PCLAF: variants seen among roughly 807,000 people sequenced by gnomAD.
The protein encoded by PCLAF is PCNA clamp associated factor.
PCLAF carries 12 observed loss-of-function variants against 15.1 expected under a neutral mutation model. The observed-to-expected ratio is 0.79, with a 90% CI of 0.51 to 1.29. The LOEUF (loss-of-function observed/expected upper bound fraction) is 1.29, where lower values mean the gene tolerates loss of function less well. Ranked by LOEUF, PCLAF falls within the 50% of genes most tolerant of loss-of-function variation. The pLI is 0.00. For missense variants in PCLAF, 116 were observed against 130.9 expected, an observed-to-expected ratio of 0.89 and a Z score of 0.56; for synonymous variants, 33 against 47.1, an observed-to-expected ratio of 0.70 and a Z score of 1.22.
At chr15:64,380,739 A>G (rs1219552267) in intron 2 of PCLAF, among the ~76,000 whole-genome samples, 2 of 152,138 alleles carry the variant, frequency 1.3e-5, no homozygotes, top group African/African-American at 4.8e-5. Context: ...GCTTGAAGAT[A>G]AGGTGTGTCG....
At chr15:64,377,998 T>C (rs1190080500) in intron 2 of PCLAF, among the ~76,000 whole-genome samples, 1 of 151,764 alleles carries the variant, frequency 6.6e-6, no homozygotes, top group African/African-American at 2.4e-5. Flanking sequence ...TGGCACGATC[T>C]TGGCTCACTG....
intron 3 of PCLAF, among the ~76,000 whole-genome samples, chr15:64,375,283 C>A (rs1331865615): frequency 6.6e-6 from 1 of 151,994 alleles, no homozygotes; most frequent in African/African-American, 2.4e-5. Flanking sequence ...TGCCACCACG[C>A]CCGGCTAATT....
chr15:64,373,524 G>T, intron 3 of PCLAF: 2 of 1,154,824 alleles, frequency 1.7e-6, no homozygotes, highest in Non-Finnish European at 2.3e-6. Flanking sequence ...AGAAGGGCAA[G>T]CAAGACCACA....
rs1024803937 is a variant in PCLAF, at chr15:64,365,676, A to C, written c.*354T>G. ...GGAGTGACAATATGGCACCATTCCAATAATCAAACACCAATAAAAATGGCA... is the reference window on the plus strand; with the variant it reads ...GGAGTGACAATATGGCACCATTCCACTAATCAAACACCAATAAAAATGGCA... On this transcript the variant is annotated 3_prime_UTR_variant, in exon 4 of 4. Transcript: ENST00000300035. The C allele has an allele frequency of 4.6e-6, 1 of 216,152 alleles. No homozygotes were observed. The highest frequency in any genetic ancestry group is 2.4e-5 in the African/African-American group (1 of 42,506). 13.4% of individuals were successfully genotyped at this position (216,152 alleles called of 1,614,324 possible). A position where few individuals can be genotyped will look rare whatever the true frequency, so the allele number is the denominator to read the frequency against.
chr15:64,367,158 C>T (rs963910384), intron 3 of PCLAF, among the ~76,000 whole-genome samples: 8 of 151,562 alleles, frequency 5.3e-5, no homozygotes, highest in African/African-American at 1.9e-4. Flanking sequence ...AAAGAAAAAC[C>T]CCAAAATTGT....
chr15:64,385,944 A>G (rs368770108), upstream of PCLAF, among the ~76,000 whole-genome samples: 9 of 152,272 alleles, frequency 5.9e-5, no homozygotes, highest in East Asian at 1.5e-3. Flanking sequence ...GCCAGCTACC[A>G]GCATTCCAGG....
chr15:64,381,130 G>A, intron 1 of PCLAF, 92 bp from the exon 2 acceptor site: 1 of 1,330,120 alleles, frequency 7.5e-7, no homozygotes, highest in Non-Finnish European at 1.1e-6. Flanking sequence ...GGAGAGCCTG[G>A]CGATCCAGAA....
chr15:64,376,570 C>G (rs1232468656), intron 3 of PCLAF, among the ~76,000 whole-genome samples, 173 bp downstream of exon 3: 1 of 152,112 alleles, frequency 6.6e-6, no homozygotes, highest in African/African-American at 2.4e-5. Context: ...CAGGTGTGCA[C>G]CAGCACGCCG....
At chr15:64,373,437 C>G in intron 3 of PCLAF, 1 of 406,044 alleles carries the variant, frequency 2.5e-6, no homozygotes, top group Non-Finnish European at 4.1e-6. Flanking sequence ...CTTCTAGGCA[C>G]CATTTGGATT....
In PCLAF at chr15:64,364,690, TC is replaced by T. The variant is rs1481101359; in HGVS notation, c.*1339del. The T allele has an allele frequency of 6.7e-6, 1 of 150,224 alleles. No individual in the cohort carries two copies. The highest frequency in any genetic ancestry group is 1.5e-5 in the Non-Finnish European group (1 of 67,638). The allele number at this position is 150,224 out of a possible 1,614,324, so 9.3% of individuals were successfully genotyped here. On this transcript the variant is annotated 3_prime_UTR_variant, in exon 4 of 4. Transcript: ENST00000300035. Reference sequence around the variant, plus strand: ...TAAATATATATTTTTTTCTTTTCTTTCTTTTTTTTTTTTTAAGACATTGTCT... The same window carrying T: ...TAAATATATATTTTTTTCTTTTCTTTTTTTTTTTTTTTTAAGACATTGTCT...
At chr15:64,370,411 A>C (rs561042089) in intron 3 of PCLAF, among the ~76,000 whole-genome samples, 1 of 149,716 alleles carries the variant, frequency 6.7e-6, no homozygotes, top group South Asian at 2.1e-4. Context: ...TCTGTTGCCC[A>C]GGCTGGAGTG....
At chr15:64,377,068 G>A (rs1291765717) in intron 2 of PCLAF, among the ~76,000 whole-genome samples, 163 bp from the exon 3 acceptor site, 1 of 151,988 alleles carries the variant, frequency 6.6e-6, no homozygotes, top group African/African-American at 2.4e-5. Context: ...CAATAAAGCT[G>A]TATTCCACCA....
intron 3 of PCLAF, among the ~76,000 whole-genome samples, chr15:64,372,253 G>A (rs1212132960): frequency 6.6e-6 from 1 of 152,166 alleles, no homozygotes; most frequent in Non-Finnish European, 1.5e-5. Flanking sequence ...GCAAGAATTA[G>A]TCATGCTTGG....
chr15:64,378,722 C>A (rs2140531409), intron 2 of PCLAF, among the ~76,000 whole-genome samples: 1 of 152,150 alleles, frequency 6.6e-6, no homozygotes, highest in East Asian at 1.9e-4. Context: ...AACAGCCTGG[C>A]CAACATGGTG....
upstream of PCLAF, chr15:64,382,424 A>C (rs973382204): frequency 1.3e-5 from 2 of 159,304 alleles, no homozygotes; most frequent in African/African-American, 4.8e-5. Context: ...TCAAAAAAAA[A>C]AAAGAAAGAA....
chr15:64,369,907 A>G (rs754081888), intron 3 of PCLAF, among the ~76,000 whole-genome samples: 3 of 152,184 alleles, frequency 2.0e-5, no homozygotes, highest in Non-Finnish European at 4.4e-5. Flanking sequence ...GGGACTGTTC[A>G]GTCACACATA....
At position 64,366,695 on chromosome 15, in the gene PCLAF, G is replaced by A. The variant is rs60919600; in HGVS notation, c.291-620C>T. ...TCTACAAAAAATAAAAAATCAGGCCGGGGTCGGTGGATCACGCCTGTAATC... is the reference window on the plus strand; with the variant it reads ...TCTACAAAAAATAAAAAATCAGGCCAGGGTCGGTGGATCACGCCTGTAATC... On this transcript the variant is annotated intron_variant, in intron 3 of 3. Transcript: ENST00000300035. Among the ~76,000 whole-genome samples, 9 of 151,982 alleles carry A rather than the reference G, an allele frequency of 5.9e-5. No homozygotes were observed. In the East Asian group the frequency reaches 9.7e-4, roughly 16 times the overall value.
Position 64,376,773 on chromosome 15 carries a change from C to G in PCLAF, c.260G>C (p.Gly87Ala). 7 of 1,613,738 alleles carry G rather than the reference C, an allele frequency of 4.3e-6. No individual in the cohort carries two copies. The highest frequency in any genetic ancestry group is 5.9e-6 in the Non-Finnish European group (7 of 1,179,768). The stretch of plus-strand genomic sequence containing the variant: ...CTTTGCTTTTCCTAAGCCACTGCTT[C>G]CTGCCTCTTCAGGAATCTGATTCTC... Reference protein sequence around the residue: ...EKENQIPEEAGSSGLGKAKRK... With the variant: ...EKENQIPEEAASSGLGKAKRK... The change falls in exon 3 of 4, where the codon GGA becomes GCA. Residue 87 changes from glycine to alanine, a missense_variant. By Grantham distance (60) the Gly-to-Ala change is moderately conservative (BLOSUM62 0). Transcript: ENST00000300035.
At chr15:64,373,578 T>C in intron 3 of PCLAF, 2 of 1,437,552 alleles carry the variant, frequency 1.4e-6, no homozygotes, top group East Asian at 2.6e-5. Context: ...GAGGGCTTTG[T>C]GGTTTCGGCT....
Sources: gnomAD v4.1 joint callset for allele counts (sites outside exome capture counted in the v4.1 genomes callset) on GRCh38, gnomAD v4.1.1 for gene constraint, MANE v1.5 for transcripts, NCBI Gene and HGNC (gene_info 2026-07-23, HGNC 2026-07-21) for gene names.